The following SOX6 variants were observed in gnomAD, a reference collection of about 807,000 sequenced individuals.
SOX6 encodes transcription factor SOX-6.
SOX6 carries 11 observed loss-of-function variants against 97.8 expected under a neutral mutation model. The observed-to-expected ratio is 0.11, with a 90% CI of 0.07 to 0.19. SOX6 has a LOEUF of 0.19. Among genes scored for constraint, SOX6 ranks in the 10% least tolerant of loss-of-function variants. The probability of loss-of-function intolerance (pLI) is 1.00; values close to 1 mark genes in which losing one functional copy is unlikely to be tolerated. For missense variants in SOX6, 810 were observed against 1,039.5 expected, an observed-to-expected ratio of 0.78 and a Z score of 3.04; for synonymous variants, 360 against 371.4, an observed-to-expected ratio of 0.97 and a Z score of 0.35.
chr11:16,148,987 C>T (rs897985744), intron 6 of SOX6, among the ~76,000 whole-genome samples: 2 of 152,160 alleles, frequency 1.3e-5, no homozygotes, highest in African/African-American at 4.8e-5. Context: ...TTTGTCTCCA[C>T]GTTGTTTCTT....
intron 13 of SOX6, among the ~76,000 whole-genome samples, chr11:16,012,590 A>G (rs958944383): frequency 1.8e-4 from 27 of 152,092 alleles, no homozygotes; most frequent in African/African-American, 6.5e-4. Context: ...ATGACTTGCT[A>G]TATTTAGGGC....
At chr11:16,473,999 A>G (rs1045883249) in intron 1 of SOX6, among the ~76,000 whole-genome samples, 2 of 152,202 alleles carry the variant, frequency 1.3e-5, no homozygotes, top group Non-Finnish European at 2.9e-5. Context: ...TTGTCATTTA[A>G]ACAATGTTTA....
intron 4 of SOX6, among the ~76,000 whole-genome samples, chr11:16,225,320 C>T (rs543450045): frequency 1.3e-4 from 20 of 151,530 alleles, no homozygotes; most frequent in South Asian, 4.2e-4. Context: ...TTAAGTTCCA[C>T]CAGATATAAC....
intron 9 of SOX6, among the ~76,000 whole-genome samples, chr11:16,085,242 G>A (rs753924143): frequency 6.6e-6 from 1 of 152,090 alleles, no homozygotes; most frequent in Non-Finnish European, 1.5e-5. Context: ...CTCAACTCTG[G>A]AGGGCAATCC....
rs1230106488 is a variant in SOX6, at chr11:16,318,643, T to A, written c.248A>T (p.Asn83Ile). The A allele has an allele frequency of 3.1e-6, 5 of 1,611,850 alleles. No individual in the cohort carries two copies. Among genetic ancestry groups the A allele is most frequent in the Non-Finnish European group, 4.2e-6 (5 of 1,178,364 alleles). Residue 83 changes from asparagine (N) to isoleucine (I), a missense_variant, in exon 3 of 16, where the codon AAT becomes ATT. By Grantham distance (149) the Asn-to-Ile change is moderately radical. This residue lies in a region of SOX6 where 46 missense variants were observed against 84.1 expected (regional missense o/e 0.55). Transcript: ENST00000683767. ...LSSQQRMESE[N>I]NKLCSLYSFR... ...GGAATATAGGGAACATAACTTATTATTCTCTGATTCCTAGAAAAATAAAAT... is the reference window on the plus strand; with the variant it reads ...GGAATATAGGGAACATAACTTATTAATCTCTGATTCCTAGAAAAATAAAAT...
chr11:16,187,080 G>T, intron 4 of SOX6, 125 bp from the exon 5 acceptor site: 2 of 1,002,190 alleles, frequency 2.0e-6, no homozygotes, highest in Non-Finnish European at 3.1e-6. Flanking sequence ...ATGACTGGAG[G>T]CCATTGAGGG....
intron 4 of SOX6, among the ~76,000 whole-genome samples, chr11:16,513,693 C>T (rs1258021950): frequency 1.3e-5 from 2 of 152,100 alleles, no homozygotes; most frequent in African/African-American, 2.4e-5. Context: ...ATCATCTCCG[C>T]ACAGAGTAAT....
intron 4 of SOX6, among the ~76,000 whole-genome samples, chr11:16,507,263 T>G (rs546553106): frequency 3.9e-4 from 60 of 152,172 alleles, no homozygotes; most frequent in Non-Finnish European, 7.1e-4. Flanking sequence ...TAAATCTCTT[T>G]TCTTTGTAGA....
At chr11:16,522,843 A>G (rs1031964586) in intron 4 of SOX6, among the ~76,000 whole-genome samples, 3 of 152,222 alleles carry the variant, frequency 2.0e-5, no homozygotes, top group African/African-American at 7.2e-5. Flanking sequence ...AGTCTCTGAT[A>G]AACCAGACTT....
intron 4 of SOX6, among the ~76,000 whole-genome samples, chr11:16,544,588 A>T (rs1208913724): frequency 6.6e-6 from 1 of 152,184 alleles, no homozygotes; most frequent in Non-Finnish European, 1.5e-5. Flanking sequence ...TGGAGTGATG[A>T]AATTATTTGG....
At chr11:16,359,970 A>G (rs1478799773), upstream of SOX6, among the ~76,000 whole-genome samples, 1 of 152,190 alleles carries the variant, frequency 6.6e-6, no homozygotes, top group Non-Finnish European at 1.5e-5. Context: ...ATGGTTACAA[A>G]GTAAATGAGA....
intron 2 of SOX6, among the ~76,000 whole-genome samples, chr11:16,322,082 T>C (rs1014532392): frequency 6.6e-6 from 1 of 152,080 alleles, no homozygotes; most frequent in Non-Finnish European, 1.5e-5. Flanking sequence ...TAAATTTTAT[T>C]AAGAAAAAAA....
intron 9 of SOX6, among the ~76,000 whole-genome samples, chr11:16,082,519 T>A (rs1848492996): frequency 6.6e-6 from 1 of 152,124 alleles, no homozygotes; most frequent in South Asian, 2.1e-4. Context: ...AAACTGCAGA[T>A]TACAGGATTT....
chr11:16,450,163 A>G (rs1441960730), intron 1 of SOX6, among the ~76,000 whole-genome samples: 2 of 152,236 alleles, frequency 1.3e-5, no homozygotes, highest in African/African-American at 4.8e-5. Context: ...ATGTAAAAAA[A>G]TACTAAAAAT....
intron 6 of SOX6, among the ~76,000 whole-genome samples, chr11:16,132,409 G>GAAAGAAAGAAAGAAA (rs1849812125): frequency 1.5e-5 from 1 of 64,518 alleles, no homozygotes; most frequent in Non-Finnish European, 3.0e-5. Context: ...AAAAAAGAAA[G>GAAAGAAAGAAAGAAA]AAAGAAAGAA....
Position 16,261,804 on chromosome 11 carries a change from T to C in SOX6, c.446-27133A>G, listed in dbSNP as rs561866093. Among the ~76,000 whole-genome samples, 12 of 152,232 alleles carry C rather than the reference T, an allele frequency of 7.9e-5. No homozygotes were observed. The South Asian group carries it at 2.5e-3, about 32-fold the overall frequency. On this transcript the variant is annotated intron_variant, in intron 3 of 15. Coordinates refer to ENST00000683767, the MANE Select transcript of SOX6 (RefSeq NM_001367873.1). ...ACAAAATTTTATATCAATTTTAACC[T>C]GTATTCATTTTCAACATTTACATTT...
chr11:16,241,651 C>T (rs1853197979), intron 3 of SOX6, among the ~76,000 whole-genome samples: 1 of 151,876 alleles, frequency 6.6e-6, no homozygotes, highest in South Asian at 2.1e-4. Context: ...ATGTTGCTTG[C>T]CTTCTACTGC....
intron 4 of SOX6, among the ~76,000 whole-genome samples, chr11:16,189,334 G>T (rs1851568166): frequency 6.6e-6 from 1 of 152,110 alleles, no homozygotes; most frequent in Admixed American, 6.6e-5. Context: ...TACAACTGAA[G>T]AAAGGGTTGC....
chr11:16,145,701 CCAA>C (rs1344748251), intron 6 of SOX6, among the ~76,000 whole-genome samples: 2 of 152,102 alleles, frequency 1.3e-5, no homozygotes, highest in Non-Finnish European at 2.9e-5. Flanking sequence ...TTCTCATACA[CCAA>C]CAACAGACAA....
Sources: gnomAD v4.1 joint callset for allele counts (sites outside exome capture counted in the v4.1 genomes callset) on GRCh38, gnomAD v4.1.1 for gene constraint, gnomAD v4.1.1 regional missense constraint, MANE v1.5 for transcripts, NCBI Gene and HGNC (gene_info 2026-07-23, HGNC 2026-07-21) for gene names.